The following NFXL1 variants were observed in gnomAD, a reference collection of about 807,000 sequenced individuals.
NFXL1 encodes the protein nuclear transcription factor, X-box binding like 1, also known as NF-X1-type zinc finger protein NFXL1.
A neutral mutation model predicts 123.3 loss-of-function variants in NFXL1; 66 were observed. The ratio of observed to expected loss-of-function variants is 0.54; its 90% CI spans 0.44 to 0.66. The LOEUF (loss-of-function observed/expected upper bound fraction) is 0.66. NFXL1 is among the 30% of genes least tolerant of loss of function. The pLI, the probability that NFXL1 is intolerant of heterozygous loss-of-function variation, is 0.00. For missense variants in NFXL1, 944 were observed against 1,125.6 expected (o/e 0.84, Z 2.31); for synonymous variants, 346 against 360.8 (o/e 0.96, Z 0.46).
chr4:47,852,075 A>G (rs1292167947), intron 20 of NFXL1, 133 bp from the exon 21 acceptor site: 1 of 538,570 alleles, frequency 1.9e-6, no homozygotes, highest in East Asian at 3.1e-5. Flanking sequence ...ATGATGATAT[A>G]GTTGCAAGCA....
chr4:47,899,523 G>A lies in NFXL1; in HGVS notation c.673C>T (p.Arg225Ter), dbSNP rs777924050. Residue 225 changes from arginine (R) to a stop codon, truncating the protein, a stop_gained, in exon 6 of 23, where the codon CGA (arginine) becomes TGA (stop). Transcript: ENST00000507489. LOFTEE classifies it high-confidence loss of function. ...PCPKCRFEYKRSETPSRYYCY... is the reference protein window; with the variant it reads ...PCPKCRFEYK ...TAGTACCTACTAGGTGTTTCAGATC[G>A]TTTGTATTCAAACCTACATTTTGGA... The A allele has an allele frequency of 1.4e-5, 23 of 1,611,424 alleles. No homozygotes were observed. The highest frequency in any genetic ancestry group is 5.0e-5 in the Admixed American group (3 of 59,792).
At chr4:47,885,693 T>C (rs1420622295) in intron 13 of NFXL1, 36 bp from the exon 14 acceptor site, 3 of 1,564,986 alleles carry the variant, frequency 1.9e-6, no homozygotes, top group South Asian at 1.1e-5. Flanking sequence ...AAATTACTTT[T>C]AGTCATTGAA....
chr4:47,914,228 A>G, intron 1 of NFXL1, 23 bp from the exon 2 acceptor site: 2 of 1,445,064 alleles, frequency 1.4e-6, no homozygotes, highest in Non-Finnish European at 1.8e-6. Context: ...AAAAAAAAAA[A>G]AAGAGTGGAA....
chr4:47,869,129 G>A (rs1276426860), intron 18 of NFXL1, among the ~76,000 whole-genome samples: 1 of 152,158 alleles, frequency 6.6e-6, no homozygotes, highest in African/African-American at 2.4e-5. Context: ...AGAGGCTGAG[G>A]CGGGAGGATC....
intron 18 of NFXL1, among the ~76,000 whole-genome samples, chr4:47,868,808 A>T (rs1335046057): frequency 3.3e-5 from 5 of 152,236 alleles, no homozygotes; most frequent in African/African-American, 1.2e-4. Flanking sequence ...AAAAGTATTA[A>T]ATGTAACAAA....
At chr4:47,884,058 T>C (rs1204479801) in intron 15 of NFXL1, among the ~76,000 whole-genome samples, 1 of 152,236 alleles carries the variant, frequency 6.6e-6, no homozygotes, top group Non-Finnish European at 1.5e-5. Flanking sequence ...ATGATGTTCC[T>C]TGGATTTGTT....
At position 47,885,497 on chromosome 4, in the gene NFXL1, C is replaced by A; in HGVS notation, c.1824+1G>T. 4 of 1,608,970 alleles carry A rather than the reference C, an allele frequency of 2.5e-6. No individual in the cohort carries two copies. Among genetic ancestry groups the A allele is most frequent in the Non-Finnish European group, 3.4e-6 (4 of 1,176,110 alleles). On this transcript the variant is annotated splice_donor_variant, in intron 14 of 22. Transcript: ENST00000507489. LOFTEE classifies it high-confidence loss of function. ...TTTCTCTAATAGTATTATTCCCTTA[C>A]CCTGCCAGTCTGCTTTATTAATGCT...
chr4:47,869,831 AAAG>A (rs1442305873), intron 18 of NFXL1, among the ~76,000 whole-genome samples: 5 of 152,122 alleles, frequency 3.3e-5, no homozygotes, highest in African/African-American at 9.6e-5. Context: ...AACACTCAAG[AAAG>A]AAGGAGAAAG....
chr4:47,856,836 T>C (rs901100600), intron 19 of NFXL1, among the ~76,000 whole-genome samples: 2 of 152,290 alleles, frequency 1.3e-5, no homozygotes, highest in East Asian at 1.9e-4. Flanking sequence ...TACTACTTAA[T>C]AAGCTCAATA....
intron 18 of NFXL1, among the ~76,000 whole-genome samples, chr4:47,866,611 G>A (rs1405935428): frequency 6.6e-6 from 1 of 152,166 alleles, no homozygotes; most frequent in Non-Finnish European, 1.5e-5. Flanking sequence ...TTAACTATAT[G>A]AAACACTGCT....
At chr4:47,901,150 T>G (rs77756830) in intron 5 of NFXL1, among the ~76,000 whole-genome samples, 4,527 of 152,272 alleles carry the variant, frequency 0.03, 246 homozygotes, top group African/African-American at 0.1. Context: ...TGCTAGATCT[T>G]CTTCATTAAA....
chr4:47,913,356 G>A (rs1370509089), intron 2 of NFXL1, among the ~76,000 whole-genome samples: 1 of 152,228 alleles, frequency 6.6e-6, no homozygotes, highest in African/African-American at 2.4e-5. Flanking sequence ...GAAGGACATG[G>A]AATTTGTAAA....
intron 14 of NFXL1, 85 bp downstream of exon 14, chr4:47,885,413 T>A: frequency 6.4e-6 from 7 of 1,099,862 alleles, no homozygotes; most frequent in Non-Finnish European, 9.4e-6. Flanking sequence ...AAGTGCTTAA[T>A]CATTGCTCAT....
chr4:47,898,334 T>G (rs1453209862), intron 8 of NFXL1, among the ~76,000 whole-genome samples: 1 of 152,136 alleles, frequency 6.6e-6, no homozygotes, highest in East Asian at 1.9e-4. Flanking sequence ...AAAAACTACA[T>G]GCAGCTCCAT....
At position 47,855,082 on chromosome 4, in the gene NFXL1, A is replaced by G. The variant is rs776002645; in HGVS notation, c.2398T>C (p.Cys800Arg). Residue 800 changes from cysteine to arginine, a missense_variant, in exon 20 of 23, where the codon TGT (cysteine) becomes CGT (arginine). Cys to Arg is a radical substitution (Grantham distance 180). This residue lies in a region of NFXL1 where 301 missense variants were observed against 348.0 expected (regional missense o/e 0.86). Transcript: ENST00000507489. ...ACCTTTTTTATTCTTTTACAAGGAC[A>G]TCTAAGTTTTACCTTCTGGTTGCAG... ...FNCNQKVKLR[C>R]PCKRIKKELQ... 1 of 1,515,580 alleles carries G rather than the reference A, an allele frequency of 6.6e-7. No individual in the cohort carries two copies. The highest frequency in any genetic ancestry group is 9.1e-7 in the Non-Finnish European group (1 of 1,099,088). 93.9% of individuals were successfully genotyped at this position (1,515,580 alleles called of 1,614,324 possible). A position where few individuals can be genotyped will look rare whatever the true frequency, so the allele number is the denominator to read the frequency against.
At chr4:47,878,268 T>G (rs1735873088) in intron 17 of NFXL1, among the ~76,000 whole-genome samples, 1 of 151,970 alleles carries the variant, frequency 6.6e-6, no homozygotes, top group South Asian at 2.1e-4. Context: ...CCATATCCTA[T>G]GTATTAACAC....
At chr4:47,859,757 G>A (rs1203540118) in intron 19 of NFXL1, among the ~76,000 whole-genome samples, 2 of 141,936 alleles carry the variant, frequency 1.4e-5, no homozygotes, top group Admixed American at 7.6e-5. Flanking sequence ...CAGGAGAATC[G>A]CTTGAACCTG....
At position 47,848,163 on chromosome 4, in the gene NFXL1, T is replaced by C. The variant is rs1335267106; in HGVS notation, c.2736A>G (p.Ter912=). 1.3e-6 allele frequency: 2 copies of C among 1,550,104 alleles called. No individual in the cohort carries two copies. The highest frequency in any genetic ancestry group is 1.2e-5 in the South Asian group (1 of 81,236). ...FAWYITHDVN[*] ...TTACATTAAAAGATCAAAACTTTTT[T>C]TAATTGACATCATGGGTGATGTACC... Residue 912 remains the stop codon, a stop_retained_variant, in exon 23 of 23, where the codon TAA becomes TAG. Transcript: ENST00000507489.
chr4:47,886,751 T>C (rs552391221), intron 12 of NFXL1, among the ~76,000 whole-genome samples: 33 of 152,250 alleles, frequency 2.2e-4, no homozygotes, highest in Non-Finnish European at 4.6e-4. Flanking sequence ...AAAACTTCTG[T>C]TCTAAATAAC....
Sources: allele counts gnomAD v4.1 joint callset (sites outside exome capture counted in the v4.1 genomes callset), GRCh38; gene constraint gnomAD v4.1.1; regional missense constraint gnomAD v4.1.1; transcripts MANE v1.5; gene names NCBI Gene and HGNC (gene_info 2026-07-23, HGNC 2026-07-21).